Variants in HDAC9 observed in about 807,000 individuals in gnomAD.
HDAC9 encodes histone deacetylase 9.
In HDAC9, 41 loss-of-function variants were observed where a neutral mutation model predicts 139.4. The ratio of observed to expected loss-of-function variants is 0.29; its 90% CI spans 0.23 to 0.38. HDAC9 has a LOEUF of 0.38. HDAC9 is among the 10% of genes least tolerant of loss of function. HDAC9 has a pLI of 1.00. For synonymous variants in HDAC9, 517 were observed against 476.2 expected, an observed-to-expected ratio of 1.09 and a Z score of -1.12; for missense variants, 1,147 against 1,297.0, an observed-to-expected ratio of 0.88 and a Z score of 1.78.
intron 8 of HDAC9, among the ~76,000 whole-genome samples, chr7:18,641,239 C>G (rs1280089440): frequency 1.3e-5 from 2 of 152,000 alleles, no homozygotes; most frequent in African/African-American, 4.8e-5. Flanking sequence ...ATGAGATGCC[C>G]CTCCTATTGA....
chr7:18,366,690 T>C (rs569207878), intron 1 of HDAC9, among the ~76,000 whole-genome samples: 15 of 152,230 alleles, frequency 9.9e-5, no homozygotes, highest in African/African-American at 2.6e-4. Flanking sequence ...TGCTGTTAGG[T>C]CTTTGCTACA....
At chr7:18,709,537 A>G (rs892048591) in intron 12 of HDAC9, among the ~76,000 whole-genome samples, 2 of 152,192 alleles carry the variant, frequency 1.3e-5, no homozygotes, top group Admixed American at 6.5e-5. Flanking sequence ...TAAGAACTAG[A>G]TTAAAATTTA....
intron 1 of HDAC9, among the ~76,000 whole-genome samples, chr7:18,437,414 T>G (rs1791305473): frequency 6.6e-6 from 1 of 152,076 alleles, no homozygotes; most frequent in Non-Finnish European, 1.5e-5. Context: ...CTTTGCATCT[T>G]TATGTGCTCA....
intron 1 of HDAC9, among the ~76,000 whole-genome samples, chr7:18,479,785 G>A (rs559399119): frequency 1.1e-4 from 16 of 150,996 alleles, no homozygotes; most frequent in South Asian, 8.4e-4. Context: ...TTTAACTATC[G>A]CTCAAGACTA....
At chr7:18,164,885 G>C (rs1337157603) in intron 2 of HDAC9, among the ~76,000 whole-genome samples, 2 of 152,192 alleles carry the variant, frequency 1.3e-5, no homozygotes, top group Non-Finnish European at 1.5e-5. Context: ...GCAGCTAGCT[G>C]CTGCAGTTGA....
rs185199641 is a variant in HDAC9, at chr7:18,687,647, G to A, written c.1731+21171G>A. ...ATGGAATAAATTATTTCAACATATC[G>A]AGAACAGATCCAAGGAGGTGACCTC... On this transcript the variant is annotated intron_variant, in intron 12 of 25. Transcript: ENST00000686413. Among the ~76,000 whole-genome samples, 4 of 151,792 alleles carry A rather than the reference G, an allele frequency of 2.6e-5. No homozygotes were observed. In the East Asian group the frequency reaches 5.8e-4, roughly 22 times the overall value.
chr7:18,977,477 A>G (rs1279071596), intron 25 of HDAC9, among the ~76,000 whole-genome samples: 1 of 152,248 alleles, frequency 6.6e-6, no homozygotes, highest in Non-Finnish European at 1.5e-5. Context: ...ATTAACAATA[A>G]TAAGTGATGT....
intron 16 of HDAC9, among the ~76,000 whole-genome samples, chr7:18,786,496 T>G (rs913800116): frequency 7.3e-5 from 10 of 136,726 alleles, no homozygotes; most frequent in Non-Finnish European, 1.2e-4. Flanking sequence ...CTTCCTTCCT[T>G]CCTTCCTTCC....
At chr7:18,132,282 A>G (rs2128102758) in intron 1 of HDAC9, among the ~76,000 whole-genome samples, 1 of 152,332 alleles carries the variant, frequency 6.6e-6, no homozygotes, top group Non-Finnish European at 1.5e-5. Context: ...AAATGGAACT[A>G]CATTCAAGGT....
At position 18,963,322 on chromosome 7, in the gene HDAC9, G is replaced by C. The variant is rs7789723; in HGVS notation, c.3022+9092G>C. 6.0e-4 allele frequency among the ~76,000 whole-genome samples: 92 copies of C among 152,084 alleles called. 1 individual carries two copies. In the South Asian group the frequency reaches 0.019, roughly 31 times the overall value. On this transcript the variant is annotated intron_variant, in intron 24 of 25. Transcript: ENST00000686413. ...TAGATACTAAAGAGTTTTGATCTTT[G>C]TCCACTCCTGGGTTCAGGAGGAAGC...
intron 1 of HDAC9, among the ~76,000 whole-genome samples, chr7:18,368,656 G>C (rs1190318362): frequency 6.6e-6 from 1 of 151,972 alleles, no homozygotes; most frequent in Non-Finnish European, 1.5e-5. Context: ...TGATTATAAG[G>C]ATTAACCCTT....
intron 1 of HDAC9, among the ~76,000 whole-genome samples, chr7:18,319,483 A>G (rs1218555807): frequency 6.6e-6 from 1 of 152,212 alleles, no homozygotes; most frequent in Non-Finnish European, 1.5e-5. Flanking sequence ...GTTGACGCCT[A>G]TAAATTTAAA....
chr7:18,668,976 G>A, intron 12 of HDAC9: 1 of 743,224 alleles, frequency 1.3e-6, no homozygotes, highest in Non-Finnish European at 1.6e-6. Flanking sequence ...ATTTTGAGCA[G>A]TTACATCTAA....
intron 1 of HDAC9, among the ~76,000 whole-genome samples, chr7:18,097,047 A>G (rs1050475646): frequency 2.6e-5 from 4 of 152,186 alleles, no homozygotes; most frequent in Non-Finnish European, 4.4e-5. Context: ...CTGCAACATC[A>G]TAGCCACTAG....
At chr7:18,727,540 T>A (rs376944980) in intron 12 of HDAC9, 40 bp from the exon 13 acceptor site, 70 of 1,531,066 alleles carry the variant, frequency 4.6e-5, no homozygotes, top group Non-Finnish European at 6.0e-5. Flanking sequence ...TCAATCCTTG[T>A]CTCACATTTC....
chr7:18,329,402 A>G (rs1296148191), intron 1 of HDAC9, among the ~76,000 whole-genome samples: 1 of 151,832 alleles, frequency 6.6e-6, no homozygotes, highest in Non-Finnish European at 1.5e-5. Context: ...ACATAAATCA[A>G]AATAACATAT....
At chr7:18,497,731 AC>A (rs1470154228) in intron 2 of HDAC9, among the ~76,000 whole-genome samples, 1 of 152,118 alleles carries the variant, frequency 6.6e-6, no homozygotes, top group Non-Finnish European at 1.5e-5. Context: ...ATATGGATGA[AC>A]CCTTTGAAAA....
At chr7:18,251,441 T>C (rs578227658) in intron 2 of HDAC9, among the ~76,000 whole-genome samples, 10 of 152,202 alleles carry the variant, frequency 6.6e-5, no homozygotes, top group African/African-American at 2.4e-4. Context: ...AGATGATCTG[T>C]GCAGCAGACC....
intron 22 of HDAC9, among the ~76,000 whole-genome samples, chr7:18,883,599 A>G (rs538345358): frequency 6.6e-6 from 1 of 152,236 alleles, no homozygotes; most frequent in East Asian, 1.9e-4. Context: ...TGGTGAAAAA[A>G]TAAAAGTTTT....
Sources: allele counts gnomAD v4.1 joint callset (sites outside exome capture counted in the v4.1 genomes callset), GRCh38; gene constraint gnomAD v4.1.1; transcripts MANE v1.5; gene names NCBI Gene and HGNC (gene_info 2026-07-23, HGNC 2026-07-21).